The following COG5 variants were observed in gnomAD, a reference collection of about 807,000 sequenced individuals.
The protein encoded by COG5 is conserved oligomeric Golgi complex subunit 5.
COG5 carries 86 observed loss-of-function variants against 110.4 expected under a neutral mutation model. That is an observed-to-expected ratio of 0.78 (90% confidence interval 0.65 to 0.93). The LOEUF is 0.93. COG5 is among the 40% of genes least tolerant of loss of function. COG5 has a pLI of 0.00. For missense variants in COG5, 1,077 were observed against 987.0 expected (o/e 1.09, Z -1.22); for synonymous variants, 360 against 334.6 (o/e 1.08, Z -0.83).
At chr7:107,215,875 AATTTTTTAT>A (rs1325925766) in intron 19 of COG5, among the ~76,000 whole-genome samples, 1 of 151,696 alleles carries the variant, frequency 6.6e-6, no homozygotes, top group Non-Finnish European at 1.5e-5. Flanking sequence ...ACACCTGGCT[AATTTTTTAT>A]ATTTTTAGTA....
chr7:107,349,743 G>C (rs1426186596), intron 10 of COG5, among the ~76,000 whole-genome samples: 2 of 152,028 alleles, frequency 1.3e-5, no homozygotes, highest in African/African-American at 2.4e-5. Context: ...ATTTTCAGTA[G>C]ACACGGGGGT....
chr7:107,472,016 T>C (rs971156159), intron 6 of COG5: 5 of 152,014 alleles, frequency 3.3e-5, no homozygotes, highest in East Asian at 1.9e-4. Flanking sequence ...TCTAAATATA[T>C]TTTAGAAGCT....
At chr7:107,262,985 T>A (rs141957793) in intron 14 of COG5, among the ~76,000 whole-genome samples, 128 of 152,352 alleles carry the variant, frequency 8.4e-4, no homozygotes, top group Non-Finnish European at 1.6e-3. Context: ...AAATTTTCTT[T>A]TCACTTTTCC....
chr7:107,262,128 T>C (rs1803407236), intron 14 of COG5, among the ~76,000 whole-genome samples: 1 of 152,104 alleles, frequency 6.6e-6, no homozygotes, highest in Non-Finnish European at 1.5e-5. Flanking sequence ...TGGCCTCAAG[T>C]GATCCACCTA....
intron 9 of COG5, 57 bp downstream of exon 9, chr7:107,362,251 T>A: frequency 2.1e-6 from 3 of 1,460,116 alleles, no homozygotes; most frequent in Non-Finnish European, 2.9e-6. Context: ...TCACACAATT[T>A]GGAATAACCA....
chr7:107,429,548 C>T (rs1051935305), intron 6 of COG5, among the ~76,000 whole-genome samples: 1 of 151,944 alleles, frequency 6.6e-6, no homozygotes, highest in Admixed American at 6.6e-5. Flanking sequence ...CTGTTTCAAC[C>T]TCCAGAGTAG....
intron 18 of COG5, among the ~76,000 whole-genome samples, chr7:107,231,663 C>T (rs533288667): frequency 6.6e-6 from 1 of 152,226 alleles, no homozygotes; most frequent in Non-Finnish European, 1.5e-5. Flanking sequence ...TCCTGCTGGC[C>T]ACCCTTACAA....
chr7:107,430,006 C>T (rs1401554301), intron 6 of COG5, among the ~76,000 whole-genome samples: 1 of 152,180 alleles, frequency 6.6e-6, no homozygotes, highest in Non-Finnish European at 1.5e-5. Context: ...TGTATGCAAG[C>T]ACCCTGTGTC....
At chr7:107,249,114 C>T (rs1180046349) in intron 16 of COG5, among the ~76,000 whole-genome samples, 1 of 152,074 alleles carries the variant, frequency 6.6e-6, no homozygotes, top group African/African-American at 2.4e-5. Context: ...CAAGTAGGCT[C>T]CAGAACAATG....
intron 17 of COG5, among the ~76,000 whole-genome samples, chr7:107,238,888 T>G (rs1191773417): frequency 6.6e-6 from 1 of 152,214 alleles, no homozygotes; most frequent in Non-Finnish European, 1.5e-5. Flanking sequence ...TTTTGGACGT[T>G]AATCCCCGTA....
intron 6 of COG5, among the ~76,000 whole-genome samples, chr7:107,524,227 C>T (rs1012470725): frequency 5.3e-5 from 8 of 152,186 alleles, no homozygotes; most frequent in African/African-American, 1.9e-4. Context: ...AAAGTCACGA[C>T]TATCTAATTC....
At chr7:107,486,910 T>C (rs1427234879) in intron 6 of COG5, among the ~76,000 whole-genome samples, 1 of 152,122 alleles carries the variant, frequency 6.6e-6, no homozygotes, top group Non-Finnish European at 1.5e-5. Context: ...TATGTGACAG[T>C]AAATGGTACT....
intron 11 of COG5, among the ~76,000 whole-genome samples, chr7:107,310,606 A>G (rs982691210): frequency 2.6e-5 from 4 of 152,246 alleles, no homozygotes; most frequent in African/African-American, 9.6e-5. Context: ...AGGCTGGACA[A>G]ATTTCTAAAC....
At chr7:107,345,611 A>G (rs1472855176) in intron 10 of COG5, among the ~76,000 whole-genome samples, 1 of 152,196 alleles carries the variant, frequency 6.6e-6, no homozygotes, top group Non-Finnish European at 1.5e-5. Context: ...TCAGTTTTGT[A>G]AGATGAAAAA....
At chr7:107,364,267 T>C (rs896500402) in intron 8 of COG5, among the ~76,000 whole-genome samples, 12 of 152,178 alleles carry the variant, frequency 7.9e-5, no homozygotes, top group Admixed American at 7.9e-4. Flanking sequence ...CTCCAAAAAA[T>C]GTTAATGCCA....
chr7:107,234,168 A>G (rs1297470417), intron 18 of COG5, among the ~76,000 whole-genome samples: 2 of 152,210 alleles, frequency 1.3e-5, no homozygotes, highest in African/African-American at 2.4e-5. Flanking sequence ...CTGCTTTTCA[A>G]TACCACACTG....
intron 6 of COG5, among the ~76,000 whole-genome samples, chr7:107,486,397 T>A (rs1797659472): frequency 6.6e-6 from 1 of 151,810 alleles, no homozygotes; most frequent in East Asian, 1.9e-4. Flanking sequence ...TCACCGAGAC[T>A]TAAAATACAA....
intron 10 of COG5, among the ~76,000 whole-genome samples, chr7:107,352,615 T>A (rs1378451924): frequency 2.0e-5 from 3 of 152,200 alleles, no homozygotes; most frequent in African/African-American, 7.2e-5. Context: ...CTCATAATAT[T>A]GAAAAGATTT....
intron 12 of COG5, among the ~76,000 whole-genome samples, chr7:107,293,634 C>T (rs1281072919): frequency 1.3e-5 from 2 of 152,160 alleles, no homozygotes; most frequent in Non-Finnish European, 2.9e-5. Context: ...TATCTCACCA[C>T]TTTTTCTGTC....
Sources: allele counts gnomAD v4.1 joint callset (sites outside exome capture counted in the v4.1 genomes callset), GRCh38; gene constraint gnomAD v4.1.1; transcripts MANE v1.5; gene names NCBI Gene and HGNC (gene_info 2026-07-23, HGNC 2026-07-21).